The following KCNH5 variants were observed in gnomAD, a reference collection of about 807,000 sequenced individuals.
KCNH5 encodes voltage-gated delayed rectifier potassium channel KCNH5.
Under a neutral mutation model 96.1 loss-of-function variants are expected in KCNH5, and 46 were observed. That is an observed-to-expected ratio of 0.48 (90% CI 0.38 to 0.61). The LOEUF (loss-of-function observed/expected upper bound fraction) is 0.61, where lower values mean the gene tolerates loss of function less well. Among genes scored for constraint, KCNH5 ranks in the 20% least tolerant of loss-of-function variants. The pLI is 0.00. For missense variants in KCNH5, 907 were observed against 1,225.8 expected (o/e 0.74, Z 3.88); for synonymous variants, 439 against 449.8 (o/e 0.98, Z 0.30).
intron 8 of KCNH5, among the ~76,000 whole-genome samples, chr14:62,807,905 A>C (rs184124265): frequency 6.6e-6 from 1 of 152,238 alleles, no homozygotes; most frequent in Admixed American, 6.6e-5. Context: ...TCATAAAATG[A>C]CACTATAACT....
chr14:62,822,288 A>G (rs1887131108), intron 8 of KCNH5, among the ~76,000 whole-genome samples: 1 of 152,116 alleles, frequency 6.6e-6, no homozygotes, highest in African/African-American at 2.4e-5. Flanking sequence ...AAATTCATAC[A>G]TTAAGGCACT....
chr14:62,970,044 T>TAAAAAAAAAAAAAAAA (rs373852520), intron 6 of KCNH5, among the ~76,000 whole-genome samples: 1 of 30,406 alleles, frequency 3.3e-5, no homozygotes, highest in Non-Finnish European at 6.5e-5. Flanking sequence ...AGACTCCGTC[T>TAAAAAAAAAAAAAAAA]AAAAAAAAAA....
In KCNH5 at chr14:63,013,710, G is replaced by T. The variant is rs1891272065; in HGVS notation, c.197+3121C>A. ...AACACTGTTTTATAAACTGCTTGGG[G>T]GGTGCTTTTGGGTTTGTTGTTTTAT... On this transcript the variant is annotated intron_variant, in intron 2 of 10. Transcript: ENST00000322893. 2.0e-5 allele frequency among the ~76,000 whole-genome samples: 3 copies of T among 151,940 alleles called. No individual in the cohort carries two copies. The South Asian group carries it at 6.2e-4, about 31-fold the overall frequency.
At chr14:63,006,716 C>T (rs1891135007) in intron 2 of KCNH5, among the ~76,000 whole-genome samples, 2 of 152,142 alleles carry the variant, frequency 1.3e-5, no homozygotes, top group Non-Finnish European at 2.9e-5. Context: ...TTTCAGTTTC[C>T]ACAGTATGTT....
chr14:62,953,146 G>GAT (rs1890038680), intron 6 of KCNH5, among the ~76,000 whole-genome samples: 1 of 151,066 alleles, frequency 6.6e-6, no homozygotes, highest in Non-Finnish European at 1.5e-5. Flanking sequence ...ATACATACTT[G>GAT]ATATATATAC....
At chr14:62,775,111 T>C (rs1886069031) in intron 10 of KCNH5, among the ~76,000 whole-genome samples, 2 of 152,350 alleles carry the variant, frequency 1.3e-5, no homozygotes, top group South Asian at 4.1e-4. Context: ...TTGGCACATA[T>C]GATATATGAA....
At chr14:63,013,149 C>G (rs970412126) in intron 2 of KCNH5, among the ~76,000 whole-genome samples, 1 of 151,722 alleles carries the variant, frequency 6.6e-6, no homozygotes, top group African/African-American at 2.4e-5. Context: ...GATAAGAAAA[C>G]AGAAGAAAGA....
At chr14:63,037,682 T>G (rs1469617711) in intron 1 of KCNH5, among the ~76,000 whole-genome samples, 1 of 152,094 alleles carries the variant, frequency 6.6e-6, no homozygotes, top group Non-Finnish European at 1.5e-5. Context: ...TCCAAGTGAG[T>G]TGTTCGATTT....
At chr14:63,014,275 C>A (rs1891282607) in intron 2 of KCNH5, among the ~76,000 whole-genome samples, 1 of 151,348 alleles carries the variant, frequency 6.6e-6, no homozygotes, top group Admixed American at 6.6e-5. Context: ...TAACAGTATG[C>A]TATCCAGAGC....
At chr14:62,936,973 T>C (rs1595691741) in intron 7 of KCNH5, among the ~76,000 whole-genome samples, 1 of 83,512 alleles carries the variant, frequency 1.2e-5, no homozygotes, top group African/African-American at 5.9e-5. Context: ...AGAGTGAGAC[T>C]CCATCTCAAA....
intron 7 of KCNH5, among the ~76,000 whole-genome samples, chr14:62,886,874 T>A (rs1450948333): frequency 2.6e-5 from 4 of 152,164 alleles, no homozygotes; most frequent in African/African-American, 9.7e-5. Flanking sequence ...TTAGATGATA[T>A]CATTTAATAA....
chr14:63,040,370 A>G (rs1566551012), intron 1 of KCNH5, among the ~76,000 whole-genome samples: 1 of 152,136 alleles, frequency 6.6e-6, no homozygotes, highest in Non-Finnish European at 1.5e-5. Context: ...TGCTGCATTC[A>G]TTATATAACA....
chr14:63,004,825 A>AT (rs1014670278), intron 3 of KCNH5, among the ~76,000 whole-genome samples: 3 of 151,884 alleles, frequency 2.0e-5, no homozygotes, highest in Non-Finnish European at 4.4e-5. Context: ...TCACCTACAT[A>AT]TTTTTTGAGA....
At chr14:62,817,827 T>A (rs61994857) in intron 8 of KCNH5, among the ~76,000 whole-genome samples, 1 of 144,246 alleles carries the variant, frequency 6.9e-6, no homozygotes, top group African/African-American at 2.5e-5. Context: ...TTATATATAT[T>A]ATATATATAT....
intron 9 of KCNH5, among the ~76,000 whole-genome samples, chr14:62,797,719 A>AC (rs1555357024): frequency 6.9e-6 from 1 of 145,876 alleles, no homozygotes; most frequent in African/African-American, 2.5e-5. Flanking sequence ...CACGTTTATA[A>AC]TTTTTTTTTT....
At chr14:62,864,520 A>G (rs1888096667) in intron 7 of KCNH5, among the ~76,000 whole-genome samples, 1 of 152,220 alleles carries the variant, frequency 6.6e-6, no homozygotes. Context: ...TGAACCAAGT[A>G]TGCCCAAAGA....
intron 10 of KCNH5, among the ~76,000 whole-genome samples, chr14:62,734,331 T>A (rs1885112400): frequency 6.6e-6 from 1 of 152,210 alleles, no homozygotes; most frequent in Non-Finnish European, 1.5e-5. Flanking sequence ...GATGCTCTAC[T>A]GCTGCTCTGA....
chr14:62,998,746 A>C (rs1956677), intron 4 of KCNH5, among the ~76,000 whole-genome samples: 1 of 152,166 alleles, frequency 6.6e-6, no homozygotes, highest in Non-Finnish European at 1.5e-5. Flanking sequence ...CAAATATTTC[A>C]GGATCTTCCA....
intron 1 of KCNH5, among the ~76,000 whole-genome samples, chr14:63,033,392 C>A (rs1003641459): frequency 1.2e-4 from 19 of 152,282 alleles, no homozygotes; most frequent in Non-Finnish European, 7.4e-5. Flanking sequence ...TTTCTCTTTG[C>A]CTGAAATATT....
Sources: gnomAD v4.1 joint callset for allele counts (sites outside exome capture counted in the v4.1 genomes callset) on GRCh38, gnomAD v4.1.1 for gene constraint, MANE v1.5 for transcripts, NCBI Gene and HGNC (gene_info 2026-07-23, HGNC 2026-07-21) for gene names.